The following WDR44 variants were observed in gnomAD, a reference collection of about 807,000 sequenced individuals.
WDR44 encodes WD repeat domain 44.
A neutral mutation model predicts 65.7 loss-of-function variants in WDR44; 9 were observed. The observed-to-expected ratio is 0.14, with a 90% CI of 0.08 to 0.24. The LOEUF is 0.24. Among genes scored for constraint, WDR44 ranks in the 10% least tolerant of loss-of-function variants. The pLI is 1.00. For synonymous variants in WDR44, 220 were observed against 235.2 expected (o/e 0.94, Z 0.59); for missense variants, 425 against 670.9 (o/e 0.63, Z 4.05).
chrX:118,357,153 A>G (rs1242117257), intron 1 of WDR44, among the ~76,000 whole-genome samples: 1 of 111,509 alleles, frequency 9.0e-6, no homozygotes, highest in Non-Finnish European at 1.9e-5. Flanking sequence ...CATTAGAAAA[A>G]GAATGTAGAA....
intron 12 of WDR44, among the ~76,000 whole-genome samples, chrX:118,416,890 T>C (rs2057061960): frequency 8.9e-6 from 1 of 111,748 alleles, no homozygotes; most frequent in Non-Finnish European, 1.9e-5. Context: ...GCATAAATGT[T>C]TAGGATTGTG....
At chrX:118,386,275 C>CT in intron 2 of WDR44, 1 of 289,040 alleles carries the variant, frequency 3.5e-6, no homozygotes, top group Admixed American at 4.6e-5. Flanking sequence ...ATTCAAATTG[C>CT]TGTGCTTCTA....
chrX:118,442,155 C>A, intron 15 of WDR44, 89 bp from the exon 16 acceptor site: 1 of 794,115 alleles, frequency 1.3e-6, no homozygotes, highest in Non-Finnish European at 1.9e-6. Context: ...AGTCCTCCTG[C>A]CTCAGCCTCC....
chrX:118,382,220 C>G (rs987981431), intron 2 of WDR44, among the ~76,000 whole-genome samples: 1 of 105,112 alleles, frequency 9.5e-6, no homozygotes, highest in East Asian at 3.1e-4. Flanking sequence ...AGCTGTGCTG[C>G]CAAGGTGGTT....
chrX:118,412,247 G>A (rs1037476691), intron 12 of WDR44, among the ~76,000 whole-genome samples: 5 of 111,662 alleles, frequency 4.5e-5, no homozygotes, highest in Non-Finnish European at 9.4e-5. Context: ...TGGGAAAGGT[G>A]CATTTGTGAG....
chrX:118,405,933 G>A (rs187085532), intron 9 of WDR44, among the ~76,000 whole-genome samples: 53 of 110,909 alleles, frequency 4.8e-4, no homozygotes, highest in African/African-American at 1.5e-3. Context: ...TTGAGGCCAG[G>A]AGTTCGAGAC....
intron 11 of WDR44, among the ~76,000 whole-genome samples, chrX:118,410,400 G>A (rs1297943068): frequency 3.6e-5 from 4 of 111,628 alleles, no homozygotes; most frequent in Non-Finnish European, 7.5e-5. Flanking sequence ...TGTGAGTATT[G>A]CTTGCATTAT....
In WDR44 at chrX:118,404,387, C is replaced by T; in HGVS notation, c.1324C>T (p.Leu442Phe). 8.3e-7 allele frequency: 1 copy of T among 1,206,823 alleles called. No individual in the cohort carries two copies. The highest frequency in any genetic ancestry group is 1.1e-6 in the Non-Finnish European group (1 of 893,722). ...LGKSVKRAKHLAEEYGERAIN... is the reference protein window; with the variant it reads ...LGKSVKRAKHFAEEYGERAIN... ...AAAATCAGTAAAGAGAGCAAAGCAC[C>T]TTGCTGAGGAATATGGTGAACGTGC... Residue 442 changes from leucine to phenylalanine, a missense_variant, in exon 9 of 20, where the codon CTT becomes TTT. This residue lies in a region of WDR44 where 77 missense variants were observed against 183.5 expected (regional missense o/e 0.42). Transcript: ENST00000254029.
chrX:118,406,715 A>G lies in WDR44; in HGVS notation c.1382-160A>G, dbSNP rs768929072. ...TGACAGAGCTGGATTTGAACCTGGC[A>G]GTCTGGCATTAGACTCCATGTTTTT... On this transcript the variant is annotated intron_variant, in intron 9 of 19. Coordinates refer to ENST00000254029, the MANE Select transcript of WDR44 (RefSeq NM_019045.5). Among the ~76,000 whole-genome samples the G allele has an allele frequency of 4.5e-5, 5 of 112,095 alleles. No homozygotes were observed. The South Asian group carries it at 1.1e-3, about 25-fold the overall frequency.
chrX:118,398,950 A>G (rs1229450034), intron 8 of WDR44, among the ~76,000 whole-genome samples: 1 of 112,040 alleles, frequency 8.9e-6, no homozygotes, highest in South Asian at 3.7e-4. Flanking sequence ...CATACAGAAA[A>G]TGACCAGTAA....
chrX:118,359,325 C>T (rs1029182764), intron 1 of WDR44, among the ~76,000 whole-genome samples: 2 of 112,115 alleles, frequency 1.8e-5, no homozygotes, highest in Non-Finnish European at 3.8e-5. Context: ...GGTGATATAG[C>T]TGCCTTACCT....
chrX:118,448,791 C>A, intron 19 of WDR44, 102 bp from the exon 20 acceptor site: 1 of 461,698 alleles, frequency 2.2e-6, no homozygotes, highest in Non-Finnish European at 3.5e-6. Context: ...GGGAGATGAT[C>A]TTCTCCCCTG....
At chrX:118,401,994 C>A (rs749376708) in intron 8 of WDR44, among the ~76,000 whole-genome samples, 1 of 106,572 alleles carries the variant, frequency 9.4e-6, no homozygotes, top group South Asian at 4.1e-4. Context: ...TGTCAACTTG[C>A]TGTTTTTTGT....
chrX:118,419,559 G>C (rs2057087064), intron 12 of WDR44, among the ~76,000 whole-genome samples: 1 of 111,614 alleles, frequency 9.0e-6, no homozygotes, highest in African/African-American at 3.3e-5. Flanking sequence ...GGAGCATTCT[G>C]CTTCCTTCAG....
intron 15 of WDR44, 33 bp downstream of exon 15, chrX:118,441,592 GT>G: frequency 8.9e-7 from 1 of 1,125,288 alleles, no homozygotes; most frequent in East Asian, 3.0e-5. Flanking sequence ...TTATATAATT[GT>G]ATACTTAGTA....
chrX:118,447,901 TA>T (rs1206739627), intron 19 of WDR44, among the ~76,000 whole-genome samples: 5 of 69,672 alleles, frequency 7.2e-5, no homozygotes, highest in Admixed American at 2.0e-4. Flanking sequence ...TATATATATA[TA>T]TATATATATA....
chrX:118,440,947 A>ATTT (rs1386486705), intron 14 of WDR44, among the ~76,000 whole-genome samples: 4 of 76,111 alleles, frequency 5.3e-5, no homozygotes, highest in Admixed American at 1.7e-4. Context: ...TTTAAATGAA[A>ATTT]TCTTTTTTTT....
At chrX:118,383,700 G>A (rs1291249239) in intron 2 of WDR44, among the ~76,000 whole-genome samples, 1 of 102,309 alleles carries the variant, frequency 9.8e-6, no homozygotes, top group African/African-American at 3.6e-5. Flanking sequence ...ATTCTTAATG[G>A]TGATCAGCTT....
chrX:118,349,623 T>C (rs1183980493), intron 1 of WDR44, among the ~76,000 whole-genome samples: 1 of 109,557 alleles, frequency 9.1e-6, no homozygotes, highest in African/African-American at 3.3e-5. Flanking sequence ...AGTGGCACGA[T>C]CTCTGCTCAC....
Sources: allele counts gnomAD v4.1 joint callset (sites outside exome capture counted in the v4.1 genomes callset), GRCh38; gene constraint gnomAD v4.1.1; regional missense constraint gnomAD v4.1.1; transcripts MANE v1.5; gene names NCBI Gene and HGNC (gene_info 2026-07-23, HGNC 2026-07-21).